Variants in DIP2C observed in about 807,000 individuals in gnomAD.
DIP2C encodes disco-interacting protein 2 homolog C.
A neutral mutation model predicts 192.4 loss-of-function variants in DIP2C; 33 were observed. The ratio of observed to expected loss-of-function variants is 0.17; its 90% CI spans 0.13 to 0.23. The LOEUF (loss-of-function observed/expected upper bound fraction) is 0.23. DIP2C is among the 10% of genes least tolerant of loss of function. The pLI is 1.00. For synonymous variants in DIP2C, 979 were observed against 864.1 expected (o/e 1.13, Z -2.33); for missense variants, 1,537 against 2,110.1 (o/e 0.73, Z 5.32).
intron 1 of DIP2C, among the ~76,000 whole-genome samples, chr10:677,823 T>A (rs1383542879): frequency 6.6e-6 from 1 of 152,062 alleles, no homozygotes. Flanking sequence ...ACTCATACAG[T>A]CCCCACAATC....
chr10:347,519 C>T (rs1958551061), intron 26 of DIP2C, among the ~76,000 whole-genome samples: 1 of 124,788 alleles, frequency 8.0e-6, no homozygotes, highest in Non-Finnish European at 1.7e-5. Flanking sequence ...CTCCCGGAAA[C>T]CCCACACGCA....
chr10:456,635 T>C (rs756848799), intron 3 of DIP2C, among the ~76,000 whole-genome samples: 1 of 152,196 alleles, frequency 6.6e-6, no homozygotes, highest in Non-Finnish European at 1.5e-5. Flanking sequence ...GCCAAAACTG[T>C]GCAAGAGGCC....
At chr10:424,826 A>G (rs1461990590) in intron 4 of DIP2C, among the ~76,000 whole-genome samples, 1 of 152,172 alleles carries the variant, frequency 6.6e-6, no homozygotes, top group Non-Finnish European at 1.5e-5. Flanking sequence ...CCCCACTCCC[A>G]CCTACCTCTT....
At chr10:419,644 C>T (rs968846324) in intron 5 of DIP2C, among the ~76,000 whole-genome samples, 2 of 152,050 alleles carry the variant, frequency 1.3e-5, no homozygotes, top group East Asian at 3.9e-4. Context: ...TCAGTTTCTT[C>T]GTCAAATGGG....
intron 24 of DIP2C, among the ~76,000 whole-genome samples, chr10:353,411 T>G (rs917821333): frequency 6.6e-6 from 1 of 152,208 alleles, no homozygotes; most frequent in African/African-American, 2.4e-5. Context: ...TTTTTCGAGA[T>G]AGAGTCTTGC....
At chr10:680,352 G>T (rs1437485748) in intron 1 of DIP2C, among the ~76,000 whole-genome samples, 5 of 152,240 alleles carry the variant, frequency 3.3e-5, no homozygotes, top group Non-Finnish European at 7.3e-5. Context: ...CCAAGCGAGA[G>T]ATGCACCTGC....
chr10:434,169 G>A (rs1001511930), intron 4 of DIP2C, among the ~76,000 whole-genome samples: 5 of 152,006 alleles, frequency 3.3e-5, no homozygotes, highest in Admixed American at 1.3e-4. Flanking sequence ...GTGTGTATAT[G>A]GTATATACAT....
intron 18 of DIP2C, among the ~76,000 whole-genome samples, chr10:367,570 C>T (rs926399150): frequency 5.3e-5 from 8 of 152,142 alleles, no homozygotes; most frequent in Non-Finnish European, 1.2e-4. Flanking sequence ...TCACAACCTT[C>T]GAAAAGACAA....
chr10:569,620 C>G (rs1196977975), intron 1 of DIP2C, among the ~76,000 whole-genome samples: 1 of 151,908 alleles, frequency 6.6e-6, no homozygotes, highest in African/African-American at 2.4e-5. Context: ...AAAGCAAAAA[C>G]AAAACAAATA....
chr10:465,013 G>C (rs1970093435), intron 3 of DIP2C, among the ~76,000 whole-genome samples: 1 of 150,038 alleles, frequency 6.7e-6, no homozygotes. Context: ...TAGAAAAAGA[G>C]GGAATCCTCC....
At chr10:558,282 CCA>C in intron 1 of DIP2C, among the ~76,000 whole-genome samples, 1 of 152,308 alleles carries the variant, frequency 6.6e-6, no homozygotes, top group East Asian at 1.9e-4. Flanking sequence ...CTTCCTGAGG[CCA>C]CACAGCTGTC....
At chr10:317,758 C>T (rs550258796) in intron 31 of DIP2C, among the ~76,000 whole-genome samples, 6 of 152,340 alleles carry the variant, frequency 3.9e-5, no homozygotes, top group African/African-American at 1.4e-4. Context: ...GATGGAAAGA[C>T]TCACTTAGCA....
rs550421385 is a variant in DIP2C at position 655,853 on chromosome 10, T to C, written c.85+33641A>G. ...TCCCATTGTATACTATACTATATAA[T>C]GTTACAGTTTCTTCTATTCTATGTT... On this transcript the variant is annotated intron_variant, in intron 1 of 36. Transcript: ENST00000280886. Among the ~76,000 whole-genome samples the C allele has an allele frequency of 6.6e-5, 10 of 152,134 alleles. No homozygotes were observed. In the South Asian group the frequency reaches 1.5e-3, roughly 22 times the overall value.
chr10:362,941 CAAGAT>C (rs1959713059), intron 21 of DIP2C, among the ~76,000 whole-genome samples: 1 of 152,140 alleles, frequency 6.6e-6, no homozygotes, highest in Non-Finnish European at 1.5e-5. Flanking sequence ...AACATGTTCT[CAAGAT>C]CAAACAAAAA....
At chr10:330,650 G>GT (rs566210340) in intron 29 of DIP2C, among the ~76,000 whole-genome samples, 66,661 of 141,258 alleles carry the variant, frequency 0.47, 15,762 homozygotes, top group African/African-American at 0.56. Flanking sequence ...CACCATGCTT[G>GT]TTTTTTTTTT....
chr10:495,650 A>G (rs1186331290), intron 1 of DIP2C, among the ~76,000 whole-genome samples: 2 of 152,102 alleles, frequency 1.3e-5, no homozygotes, highest in Non-Finnish European at 2.9e-5. Context: ...CAGGATCCCA[A>G]AGTCTGTGAT....
At chr10:541,927 G>A (rs970222349) in intron 1 of DIP2C, among the ~76,000 whole-genome samples, 15 of 151,960 alleles carry the variant, frequency 9.9e-5, no homozygotes, top group African/African-American at 2.7e-4. Flanking sequence ...CCAACAATCC[G>A]CTGTGTGCCT....
chr10:615,172 G>C (rs954261908), intron 1 of DIP2C, among the ~76,000 whole-genome samples: 2 of 152,266 alleles, frequency 1.3e-5, no homozygotes, highest in Admixed American at 6.5e-5. Context: ...GCTTCACTGT[G>C]AAAGTGCAGA....
At chr10:361,173 T>TAC (rs1200753792) in intron 22 of DIP2C, among the ~76,000 whole-genome samples, 1 of 152,208 alleles carries the variant, frequency 6.6e-6, no homozygotes, top group Non-Finnish European at 1.5e-5. Flanking sequence ...AATATATATA[T>TAC]ACTATTTTCT....
Sources: gnomAD v4.1 joint callset for allele counts (sites outside exome capture counted in the v4.1 genomes callset) on GRCh38, gnomAD v4.1.1 for gene constraint, MANE v1.5 for transcripts, NCBI Gene and HGNC (gene_info 2026-07-23, HGNC 2026-07-21) for gene names.